PAQR5: variants seen among roughly 807,000 people sequenced by gnomAD.
The protein encoded by PAQR5 is membrane progestin receptor gamma.
Under a neutral mutation model 34.5 loss-of-function variants are expected in PAQR5, and 20 were observed. The ratio of observed to expected loss-of-function variants is 0.58; its 90% CI spans 0.41 to 0.84. PAQR5 has a LOEUF of 0.84. Among genes scored for constraint, PAQR5 ranks in the 40% least tolerant of loss-of-function variants. The pLI, the probability that PAQR5 is intolerant of heterozygous loss-of-function variation, is 0.00. For synonymous variants in PAQR5, 131 were observed against 155.6 expected, an observed-to-expected ratio of 0.84 and a Z score of 1.18; for missense variants, 378 against 412.7, an observed-to-expected ratio of 0.92 and a Z score of 0.73.
At chr15:69,356,164 T>C (rs2140821998) in intron 2 of PAQR5, among the ~76,000 whole-genome samples, 1 of 152,316 alleles carries the variant, frequency 6.6e-6, no homozygotes, top group Non-Finnish European at 1.5e-5. Flanking sequence ...GGGACCTAGG[T>C]AGGCAGGTCT....
At chr15:69,346,486 G>A (rs2054776191) in intron 2 of PAQR5, among the ~76,000 whole-genome samples, 1 of 151,484 alleles carries the variant, frequency 6.6e-6, no homozygotes, top group African/African-American at 2.4e-5. Flanking sequence ...TTTTTGTAGG[G>A]AGGAGGTATC....
rs922495307 is a variant in PAQR5 at position 69,407,294 on chromosome 15, G to A, written c.*3472G>A. 6.6e-6 allele frequency: 1 copy of A among 152,056 alleles called. No individual in the cohort carries two copies. The highest frequency in any genetic ancestry group is 2.4e-5 in the African/African-American group (1 of 41,414). The allele number at this position is 152,056 out of a possible 1,614,324, so 9.4% of individuals were successfully genotyped here. ...TGGGACTACAGGTGCATGCCACCAAGCCTGGCTAACTTTTTGTAGAGATAG... is the reference window on the plus strand; with the variant it reads ...TGGGACTACAGGTGCATGCCACCAAACCTGGCTAACTTTTTGTAGAGATAG... On this transcript the variant is annotated 3_prime_UTR_variant, in exon 9 of 9. Transcript: ENST00000395407.
At chr15:69,330,696 G>A (rs1381249529) in intron 1 of PAQR5, among the ~76,000 whole-genome samples, 1 of 152,142 alleles carries the variant, frequency 6.6e-6, no homozygotes, top group Non-Finnish European at 1.5e-5. Flanking sequence ...CACCAACCAA[G>A]TTATCCTTAA....
At chr15:69,350,172 A>T (rs911792775) in intron 2 of PAQR5, among the ~76,000 whole-genome samples, 2 of 152,238 alleles carry the variant, frequency 1.3e-5, no homozygotes, top group Non-Finnish European at 2.9e-5. Context: ...CTCCAACGGC[A>T]AAGTGGGTAT....
chr15:69,357,223 C>T (rs2055103156), intron 2 of PAQR5, among the ~76,000 whole-genome samples: 2 of 151,148 alleles, frequency 1.3e-5, no homozygotes, highest in South Asian at 4.2e-4. Flanking sequence ...CCAATTAAAC[C>T]TCTTTTCTTT....
intron 1 of PAQR5, among the ~76,000 whole-genome samples, chr15:69,330,643 C>T (rs574053784): frequency 2.4e-4 from 37 of 152,266 alleles, no homozygotes; most frequent in African/African-American, 8.9e-4. Context: ...ATGATTTCAT[C>T]CCTGACCAGC....
chr15:69,339,168 A>ACCCCCCCCCCCCCCCCCCCCCCCCCCCCC (rs111647955), intron 2 of PAQR5, among the ~76,000 whole-genome samples: 4 of 134,064 alleles, frequency 3.0e-5, no homozygotes, highest in Non-Finnish European at 6.6e-5. Context: ...CCCACTGGCT[A>ACCCCCCCCCCCCCCCCCCCCCCCCCCCCC]CACCCCCCAC....
At chr15:69,329,188 A>G (rs1193103588) in intron 1 of PAQR5, among the ~76,000 whole-genome samples, 2 of 152,190 alleles carry the variant, frequency 1.3e-5, no homozygotes, top group Non-Finnish European at 2.9e-5. Context: ...TGAAAGCCAT[A>G]GCCCTTGTCC....
At chr15:69,351,572 G>T (rs4516178) in intron 2 of PAQR5, among the ~76,000 whole-genome samples, 12,118 of 152,230 alleles carry the variant, frequency 0.08, 1,144 homozygotes, top group African/African-American at 0.22. Context: ...TACCTCAGGG[G>T]TATATAAACT....
chr15:69,373,327 T>A (rs964171528), intron 3 of PAQR5, among the ~76,000 whole-genome samples: 2 of 152,090 alleles, frequency 1.3e-5, no homozygotes, highest in Non-Finnish European at 2.9e-5. Context: ...GATGTGAACA[T>A]TTTTGGGGAG....
intron 2 of PAQR5, among the ~76,000 whole-genome samples, chr15:69,350,286 C>T (rs879731736): frequency 2.0e-5 from 3 of 152,178 alleles, no homozygotes; most frequent in Admixed American, 6.5e-5. Context: ...AAGTCTACTA[C>T]GATCTTACTT....
At chr15:69,400,185 C>T in intron 8 of PAQR5, 70 bp downstream of exon 8, 1 of 1,470,322 alleles carries the variant, frequency 6.8e-7, no homozygotes, top group East Asian at 2.3e-5. Flanking sequence ...TCCCTGACTC[C>T]AGTGCACGTA....
At chr15:69,396,682 C>A (rs1381458301) in intron 6 of PAQR5, among the ~76,000 whole-genome samples, 1 of 152,164 alleles carries the variant, frequency 6.6e-6, no homozygotes, top group South Asian at 2.1e-4. Context: ...CCCTCCCTGC[C>A]CCTCCCCATG....
chr15:69,338,505 C>A (rs1459021460), intron 2 of PAQR5, among the ~76,000 whole-genome samples: 1 of 152,206 alleles, frequency 6.6e-6, no homozygotes, highest in African/African-American at 2.4e-5. Context: ...GGAAGCCAAG[C>A]CAGGCCTGCA....
chr15:69,383,096 C>G (rs2055957047), intron 4 of PAQR5: 1 of 152,122 alleles, frequency 6.6e-6, no homozygotes, highest in Non-Finnish European at 1.5e-5. Context: ...GTACTGCCTC[C>G]CAATTAAAAA....
At chr15:69,326,475 GCA>G (rs1186635435) in intron 1 of PAQR5, among the ~76,000 whole-genome samples, 1 of 143,980 alleles carries the variant, frequency 6.9e-6, no homozygotes. Context: ...TCACTCTGTT[GCA>G]CAGTCTGGAG....
chr15:69,371,465 T>A (rs1211688281), intron 3 of PAQR5, among the ~76,000 whole-genome samples: 2 of 152,152 alleles, frequency 1.3e-5, no homozygotes, highest in African/African-American at 2.4e-5. Context: ...CAAAGTAATA[T>A]CTAGATTAGT....
Position 69,379,885 on chromosome 15 carries a change from G to T in PAQR5, c.54G>T (p.Val18=). ...GTCCTTTTCCTTTGCCTCTGCAGGT[G>T]TTCCATGAGCAAGGCATCCTGTTCG... ...RLFSIDQIPQ[V]FHEQGILFGY... is the part of the protein sequence containing the mutation. Residue 18 remains valine (V), a splice_region_variant and synonymous_variant, in exon 4 of 9, where the codon GTG becomes GTT. Transcript: ENST00000395407. The T allele has an allele frequency of 6.2e-7, 1 of 1,613,652 alleles. No individual in the cohort carries two copies. The highest frequency in any genetic ancestry group is 1.1e-5 in the South Asian group (1 of 91,044).
intron 6 of PAQR5, among the ~76,000 whole-genome samples, chr15:69,394,510 C>A (rs1293991556): frequency 6.6e-6 from 1 of 152,220 alleles, no homozygotes; most frequent in Non-Finnish European, 1.5e-5. Flanking sequence ...TCCAAAGGCC[C>A]GCTAGTTTCA....
Sources: gnomAD v4.1 joint callset for allele counts (sites outside exome capture counted in the v4.1 genomes callset) on GRCh38, gnomAD v4.1.1 for gene constraint, MANE v1.5 for transcripts, NCBI Gene and HGNC (gene_info 2026-07-23, HGNC 2026-07-21) for gene names.